MEIS1: variants seen among roughly 807,000 people sequenced by gnomAD.
MEIS1 encodes homeobox protein Meis1.
MEIS1 carries 5 observed loss-of-function variants against 50.8 expected under a neutral mutation model. The observed-to-expected ratio is 0.10, with a 90% CI of 0.05 to 0.21. The LOEUF is 0.21. MEIS1 is among the 10% of genes least tolerant of loss of function. The pLI is 1.00. For missense variants in MEIS1, 318 were observed against 517.3 expected (o/e 0.61, Z 3.74); for synonymous variants, 176 against 179.3 (o/e 0.98, Z 0.15).
chr2:66,539,134 G>A (rs1674588579), intron 8 of MEIS1, among the ~76,000 whole-genome samples: 1 of 152,122 alleles, frequency 6.6e-6, no homozygotes, highest in African/African-American at 2.4e-5. Flanking sequence ...TGATCCACCT[G>A]CCTTGGCCTC....
rs763676711 is a variant in MEIS1 at position 66,573,144 on chromosome 2, C to G, written c.*1936C>G. ...AAATTAACTACATGAATTGAAGAGA[C>G]CAGACTTCAAAATCTAATTTTTATA... On this transcript the variant is annotated 3_prime_UTR_variant, in exon 13 of 13. Coordinates refer to ENST00000272369, the MANE Select transcript of MEIS1 (RefSeq NM_002398.3). The G allele has an allele frequency of 1.3e-5, 2 of 152,146 alleles. No individual in the cohort carries two copies. The highest frequency in any genetic ancestry group is 4.8e-5 in the African/African-American group (2 of 41,428). The allele number at this position is 152,146 out of a possible 1,614,324, so 9.4% of individuals were successfully genotyped here.
At chr2:66,536,192 A>T (rs1379509812) in intron 8 of MEIS1, among the ~76,000 whole-genome samples, 1 of 152,216 alleles carries the variant, frequency 6.6e-6, no homozygotes, top group Non-Finnish European at 1.5e-5. Context: ...TGGACTTTGG[A>T]TGGAGTAGTC....
rs202065830 is a variant in MEIS1, at chr2:66,539,601, G to T, written c.889-8342G>T. Among the ~76,000 whole-genome samples the T allele has an allele frequency of 2.6e-5, 4 of 152,256 alleles. No individual in the cohort carries two copies. In the East Asian group the frequency reaches 7.7e-4, roughly 29 times the overall value. On this transcript the variant is annotated intron_variant, in intron 8 of 12. Transcript: ENST00000272369. ...TCAAGTTTCGTCATCTATCAAATGG[G>T]TCTAGCGGCTGTTAACTACCTCAGA...
intron 4 of MEIS1, 177 bp downstream of exon 4, chr2:66,440,789 T>G (rs1309413199): frequency 1.0e-5 from 6 of 575,664 alleles, no homozygotes; most frequent in Non-Finnish European, 1.9e-5. Flanking sequence ...CCCGGGGAAA[T>G]AAATTCATCT....
intron 6 of MEIS1, among the ~76,000 whole-genome samples, chr2:66,453,791 A>T (rs1348149423): frequency 6.6e-6 from 1 of 152,126 alleles, no homozygotes; most frequent in East Asian, 1.9e-4. Context: ...TAATGCTATG[A>T]GGTAGTAGAA....
At chr2:66,475,133 TAC>T (rs902910514) in intron 7 of MEIS1, among the ~76,000 whole-genome samples, 29 of 124,486 alleles carry the variant, frequency 2.3e-4, no homozygotes, top group African/African-American at 1.0e-3. Flanking sequence ...CATATATATA[TAC>T]ACATATATAT....
At chr2:66,437,013 A>G in intron 1 of MEIS1, 1 of 901,838 alleles carries the variant, frequency 1.1e-6, no homozygotes, top group Non-Finnish European at 1.3e-6. Flanking sequence ...AGAAAATAGA[A>G]TATTAGCTGC....
intron 8 of MEIS1, among the ~76,000 whole-genome samples, chr2:66,517,901 T>C (rs998253901): frequency 2.0e-5 from 3 of 152,208 alleles, no homozygotes; most frequent in Non-Finnish European, 4.4e-5. Context: ...TCAGGTAAAC[T>C]GAAAAGGCTA....
At position 66,573,456 on chromosome 2, in the gene MEIS1, C is replaced by T. The variant is rs1276947572; in HGVS notation, c.*2248C>T. ...GGGTCGGAGGAGAGAGAGCCTTAAA[C>T]TCAAGTCTGACATTCAGGCCCAAGT... is the stretch of plus-strand genomic sequence containing the variant. On this transcript the variant is annotated 3_prime_UTR_variant, in exon 13 of 13. Coordinates refer to ENST00000272369, the MANE Select transcript of MEIS1 (RefSeq NM_002398.3). The T allele has an allele frequency of 6.6e-6, 1 of 152,186 alleles. No homozygotes were observed. Among genetic ancestry groups the T allele is most frequent in the African/African-American group, 2.4e-5 (1 of 41,426 alleles). 9.4% of individuals were successfully genotyped at this position (152,186 alleles called of 1,614,324 possible).
At chr2:66,452,629 A>G (rs1672301062) in intron 6 of MEIS1, among the ~76,000 whole-genome samples, 2 of 151,972 alleles carry the variant, frequency 1.3e-5, no homozygotes, top group South Asian at 4.1e-4. Context: ...TCTTGATGAT[A>G]AATTAATATG....
At chr2:66,539,176 C>T (rs1284680359) in intron 8 of MEIS1, among the ~76,000 whole-genome samples, 1 of 152,038 alleles carries the variant, frequency 6.6e-6, no homozygotes, top group Non-Finnish European at 1.5e-5. Flanking sequence ...TGTGGGCCAC[C>T]GTGCCTGGCC....
At position 66,437,904 on chromosome 2, in the gene MEIS1, C is replaced by G; in HGVS notation, c.180C>G (p.Ala60=). Residue 60 remains alanine, a synonymous_variant, in exon 2 of 13, where the codon GCC becomes GCG. Transcript: ENST00000272369. Reference sequence around the variant, plus strand: ...ACACAGCTCATACCAACGCCATGGCCCCCAGCATGGGCTCCTCTGTCAATG... The same window carrying G: ...ACACAGCTCATACCAACGCCATGGCGCCCAGCATGGGCTCCTCTGTCAATG... The part of the protein sequence containing the change: ...YPHTAHTNAM[A]PSMGSSVNDA... The G allele has an allele frequency of 6.2e-7, 1 of 1,607,532 alleles. No homozygotes were observed. Among genetic ancestry groups the G allele is most frequent in the Non-Finnish European group, 8.5e-7 (1 of 1,176,940 alleles).
intron 9 of MEIS1, among the ~76,000 whole-genome samples, chr2:66,550,481 G>A (rs1674893065): frequency 6.7e-6 from 1 of 148,152 alleles, no homozygotes; most frequent in South Asian, 2.1e-4. Context: ...GTTTTGTTTT[G>A]TTTTGTTTTG....
chr2:66,509,952 G>T (rs978600188), intron 7 of MEIS1, among the ~76,000 whole-genome samples: 3 of 152,172 alleles, frequency 2.0e-5, no homozygotes, highest in Admixed American at 6.5e-5. Context: ...ATCTGAAGGG[G>T]TTTGAGGTGG....
At chr2:66,488,015 G>A (rs1181402505) in intron 7 of MEIS1, among the ~76,000 whole-genome samples, 1 of 152,116 alleles carries the variant, frequency 6.6e-6, no homozygotes, top group Admixed American at 6.5e-5. Flanking sequence ...TGAATATCTG[G>A]GTGCAAAGTG....
At chr2:66,503,554 A>T (rs2103835130) in intron 7 of MEIS1, among the ~76,000 whole-genome samples, 1 of 152,272 alleles carries the variant, frequency 6.6e-6, no homozygotes, top group African/African-American at 2.4e-5. Context: ...TATTACTGTA[A>T]TTATTTTGTT....
chr2:66,494,786 G>T (rs1335086302), intron 7 of MEIS1, among the ~76,000 whole-genome samples: 1 of 152,126 alleles, frequency 6.6e-6, no homozygotes, highest in Non-Finnish European at 1.5e-5. Flanking sequence ...TCACGTCTTT[G>T]TGGGTAGAAG....
chr2:66,488,129 A>G (rs574344835), intron 7 of MEIS1, among the ~76,000 whole-genome samples: 2 of 152,290 alleles, frequency 1.3e-5, no homozygotes, highest in South Asian at 4.1e-4. Flanking sequence ...TTATTTGGTT[A>G]TTACTAAAAT....
chr2:66,436,136 T>G (rs1021922046), intron 1 of MEIS1, among the ~76,000 whole-genome samples: 1 of 149,226 alleles, frequency 6.7e-6, no homozygotes. Context: ...ATCATCTGGG[T>G]TTTTTTTTAA....
Sources: gnomAD v4.1 joint callset for allele counts (sites outside exome capture counted in the v4.1 genomes callset) on GRCh38, gnomAD v4.1.1 for gene constraint, MANE v1.5 for transcripts, NCBI Gene and HGNC (gene_info 2026-07-23, HGNC 2026-07-21) for gene names.